CLIP2: variants seen among roughly 807,000 people sequenced by gnomAD.
CLIP2 encodes the protein CAP-Gly domain-containing linker protein 2.
A neutral mutation model predicts 111.7 loss-of-function variants in CLIP2; 41 were observed. The observed-to-expected ratio is 0.37, with a 90% CI of 0.29 to 0.48. The LOEUF is 0.48. Ranked by LOEUF, CLIP2 falls within the 20% of genes least tolerant of loss-of-function variation. The probability of loss-of-function intolerance (pLI) is 0.99; values close to 1 mark genes in which losing one functional copy is unlikely to be tolerated. For missense variants in CLIP2, 1,160 were observed against 1,422.1 expected, an observed-to-expected ratio of 0.82 and a Z score of 2.96; for synonymous variants, 660 against 644.2, an observed-to-expected ratio of 1.02 and a Z score of -0.37.
chr7:74,397,249 G>C lies in CLIP2; in HGVS notation c.2880+16G>C, dbSNP rs1554316848. On this transcript the variant is annotated intron_variant, in intron 14 of 16. Coordinates refer to ENST00000223398, the MANE Select transcript of CLIP2 (RefSeq NM_003388.5). Reference sequence around the variant, plus strand: ...GACCGGGCTGGTATGTGGGGTAGGGGTGGCCTAGGGGCAGGGGCACTAGTC... The same window carrying C: ...GACCGGGCTGGTATGTGGGGTAGGGCTGGCCTAGGGGCAGGGGCACTAGTC... 1.2e-6 allele frequency: 2 copies of C among 1,612,144 alleles called. No individual in the cohort carries two copies. The highest frequency in any genetic ancestry group is 1.7e-6 in the Non-Finnish European group (2 of 1,179,044).
At chr7:74,345,298 G>T (rs1321319694) in intron 3 of CLIP2, among the ~76,000 whole-genome samples, 3 of 151,876 alleles carry the variant, frequency 2.0e-5, no homozygotes, top group African/African-American at 7.3e-5. Context: ...ATAGTGGCGC[G>T]ATCTCGACTA....
At chr7:74,324,505 G>C (rs565578890) in intron 2 of CLIP2, among the ~76,000 whole-genome samples, 1 of 152,074 alleles carries the variant, frequency 6.6e-6, no homozygotes, top group African/African-American at 2.4e-5. Context: ...CTGGGTGGTC[G>C]GACTGCCTTG....
chr7:74,337,508 G>C (rs111567095), intron 2 of CLIP2, among the ~76,000 whole-genome samples: 13 of 151,598 alleles, frequency 8.6e-5, no homozygotes, highest in South Asian at 2.1e-4. Context: ...CCCACCTGGT[G>C]GGGGGGTGGC....
chr7:74,397,213 C>T lies in CLIP2; in HGVS notation c.2860C>T (p.Arg954Cys), dbSNP rs782318233. Residue 954 changes from arginine to cysteine, a missense_variant, in exon 14 of 17, where the codon CGT (arginine) becomes TGT (cysteine). Transcript: ENST00000223398. ...ACTCAAGGATGACATCCGGGGCCTG[C>T]GTGAAAAGCTGACCGGGCTGGTATG... ...QKLKDDIRGLREKLTGLDKEK... is the reference protein window; with the variant it reads ...QKLKDDIRGLCEKLTGLDKEK... 1.9e-6 allele frequency: 3 copies of T among 1,612,730 alleles called. No individual in the cohort carries two copies. The highest frequency in any genetic ancestry group is 1.7e-6 in the Non-Finnish European group (2 of 1,179,608).
At chr7:74,386,206 C>T (rs1379578281) in intron 11 of CLIP2, among the ~76,000 whole-genome samples, 4 of 152,026 alleles carry the variant, frequency 2.6e-5, no homozygotes, top group African/African-American at 9.6e-5. Flanking sequence ...TGCCACTATG[C>T]CCAGCTAATT....
intron 13 of CLIP2, among the ~76,000 whole-genome samples, chr7:74,394,251 T>A (rs547715368): frequency 1.2e-3 from 179 of 145,782 alleles, no homozygotes; most frequent in African/African-American, 4.4e-3. Context: ...TCTTATTTTT[T>A]TTTTTTTTTT....
intron 13 of CLIP2, among the ~76,000 whole-genome samples, chr7:74,396,776 C>T (rs185679663): frequency 6.6e-6 from 1 of 152,266 alleles, no homozygotes; most frequent in East Asian, 1.9e-4. Flanking sequence ...CCACCTCGGC[C>T]TTCTGAAGTG....
chr7:74,398,260 G>A (rs1281934442), intron 14 of CLIP2, among the ~76,000 whole-genome samples: 1 of 152,084 alleles, frequency 6.6e-6, no homozygotes, highest in Non-Finnish European at 1.5e-5. Context: ...TTGGGAGGTT[G>A]AGGCAGGAGA....
chr7:74,302,841 G>A (rs229890), intron 1 of CLIP2, among the ~76,000 whole-genome samples: 89,805 of 152,136 alleles, frequency 0.59, 29,440 homozygotes, highest in Non-Finnish European at 0.75. Context: ...CACGCTGGCT[G>A]TCAGCTGTCC....
At chr7:74,354,993 C>A (rs1315221473) in intron 4 of CLIP2, among the ~76,000 whole-genome samples, 1 of 152,036 alleles carries the variant, frequency 6.6e-6, no homozygotes, top group Non-Finnish European at 1.5e-5. Flanking sequence ...AAGGCTGTGT[C>A]TGGGCTTATG....
intron 2 of CLIP2, among the ~76,000 whole-genome samples, chr7:74,326,380 T>C (rs1789107260): frequency 6.6e-6 from 1 of 152,122 alleles, no homozygotes; most frequent in Admixed American, 6.6e-5. Flanking sequence ...AAGTCCAGTA[T>C]CAGCCCCACA....
chr7:74,305,152 T>TGTCCAGCCCAGGCACTGTGCC (rs11270978), intron 1 of CLIP2, among the ~76,000 whole-genome samples: 86,796 of 149,392 alleles, frequency 0.58, 28,343 homozygotes, highest in Non-Finnish European at 0.75. Flanking sequence ...TTACGTTCCC[T>TGTCCAGCCCAGGCACTGTGCC]GTCCAGCCCA....
chr7:74,322,230 A>G (rs1296974217), intron 2 of CLIP2, among the ~76,000 whole-genome samples: 1 of 149,988 alleles, frequency 6.7e-6, no homozygotes, highest in Non-Finnish European at 1.5e-5. Context: ...ACCTCAAGTG[A>G]TCCACTGGCC....
At chr7:74,300,703 G>A (rs571017454) in intron 1 of CLIP2, among the ~76,000 whole-genome samples, 9 of 152,164 alleles carry the variant, frequency 5.9e-5, no homozygotes, top group African/African-American at 1.7e-4. Flanking sequence ...TGATCCACCC[G>A]CCTCGGCCTC....
At chr7:74,366,319 C>A (rs1417324780) in intron 8 of CLIP2, among the ~76,000 whole-genome samples, 2 of 152,152 alleles carry the variant, frequency 1.3e-5, no homozygotes, top group Non-Finnish European at 2.9e-5. Flanking sequence ...TTGTCCCATC[C>A]AAGGGCTCAG....
intron 7 of CLIP2, among the ~76,000 whole-genome samples, chr7:74,362,510 T>A (rs1282466403): frequency 2.7e-5 from 4 of 148,174 alleles, no homozygotes; most frequent in Non-Finnish European, 3.0e-5. Flanking sequence ...AACACAGATC[T>A]TTTTTTCTTT....
intron 2 of CLIP2, among the ~76,000 whole-genome samples, chr7:74,336,314 C>T (rs1789456219): frequency 6.6e-6 from 1 of 152,078 alleles, no homozygotes. Context: ...GTGATCCGCC[C>T]ACCTTGGCCC....
At position 74,327,178 on chromosome 7, in the gene CLIP2, C is replaced by T. The variant is rs181600773; in HGVS notation, c.121+9511C>T. 1.8e-3 allele frequency among the ~76,000 whole-genome samples: 281 copies of T among 152,228 alleles called. 1 individual carries two copies. Among genetic ancestry groups the T allele is most frequent in the Middle Eastern group, 3.4e-3 (1 of 294 alleles). On this transcript the variant is annotated intron_variant, in intron 2 of 16. Transcript: ENST00000223398. ...AGTGCAGTGGTGCAATCTTGGCTCA[C>T]CGCAACCTCCACCTCCCAAGTTCAA...
chr7:74,331,528 C>G (rs1275920366), intron 2 of CLIP2, among the ~76,000 whole-genome samples: 1 of 142,772 alleles, frequency 7.0e-6, no homozygotes, highest in Non-Finnish European at 1.5e-5. Flanking sequence ...TTCTTTCTTT[C>G]TTTTCTTTTC....
Sources: gnomAD v4.1 joint callset for allele counts (sites outside exome capture counted in the v4.1 genomes callset) on GRCh38, gnomAD v4.1.1 for gene constraint, MANE v1.5 for transcripts, NCBI Gene and HGNC (gene_info 2026-07-23, HGNC 2026-07-21) for gene names.